OAT: variants seen among roughly 807,000 people sequenced by gnomAD.
The protein encoded by OAT is ornithine aminotransferase.
A neutral mutation model predicts 48.4 loss-of-function variants in OAT; 35 were observed. The ratio of observed to expected loss-of-function variants is 0.72; its 90% CI spans 0.55 to 0.96. OAT has a LOEUF of 0.96. Among genes scored for constraint, OAT ranks in the 40% least tolerant of loss-of-function variants. The pLI is 0.00. For synonymous variants in OAT, 182 were observed against 198.4 expected (o/e 0.92, Z 0.70); for missense variants, 438 against 537.9 (o/e 0.81, Z 1.84).
intron 9 of OAT, among the ~76,000 whole-genome samples, chr10:124,398,704 C>T (rs1951309010): frequency 6.7e-6 from 1 of 148,352 alleles, no homozygotes; most frequent in African/African-American, 2.5e-5. Flanking sequence ...ATTAATCACA[C>T]AAGGAACTAA....
chr10:124,403,840 T>G lies in OAT; in HGVS notation c.729A>C (p.Pro243=). The G allele has an allele frequency of 6.2e-7, 1 of 1,614,176 alleles. No homozygotes were observed. Among genetic ancestry groups the G allele is most frequent in the Non-Finnish European group, 8.5e-7 (1 of 1,180,006 alleles). Residue 243 remains proline (P), a synonymous_variant, in exon 6 of 10, where the codon CCA becomes CCC. Coordinates refer to ENST00000368845, the MANE Select transcript of OAT (RefSeq NM_000274.4). ...GCTCTCGCACTCCCATTAGGTAACC[T>G]GGATCCGGAACAACAACGCCTGCTT... The part of the protein sequence containing the change: ...QGEAGVVVPD[P]GYLMGVRELC...
intron 8 of OAT, 141 bp from the exon 9 acceptor site, chr10:124,401,125 C>A: frequency 1.6e-6 from 1 of 629,304 alleles, no homozygotes; most frequent in Non-Finnish European, 2.8e-6. Context: ...TTTTTCAAAG[C>A]CTGTATTAGT....
intron 9 of OAT, among the ~76,000 whole-genome samples, chr10:124,399,815 C>T (rs1589695332): frequency 6.6e-6 from 1 of 152,084 alleles, no homozygotes; most frequent in Non-Finnish European, 1.5e-5. Context: ...ATTATTGACC[C>T]CATAACTGTC....
At chr10:124,405,294 A>C in intron 5 of OAT, 142 bp downstream of exon 5, 1 of 1,223,918 alleles carries the variant, frequency 8.2e-7, no homozygotes, top group Non-Finnish European at 1.2e-6. Flanking sequence ...ATTGATCGCT[A>C]CTGAGAACAA....
At chr10:124,416,527 G>T (rs909759668) in intron 1 of OAT, among the ~76,000 whole-genome samples, 28 of 152,104 alleles carry the variant, frequency 1.8e-4, no homozygotes, top group African/African-American at 6.8e-4. Context: ...CCATACTCAG[G>T]TCCTGGAAAT....
In OAT at chr10:124,403,838, C is replaced by A. The variant is rs1228985630; in HGVS notation, c.731G>T (p.Gly244Val). The change falls in exon 6 of 10, where the codon GGT (glycine) becomes GTT (valine). Residue 244 changes from glycine (G) to valine (V), a missense_variant. Physicochemically the swap from Gly to Val is moderately radical, Grantham distance 109 (BLOSUM62 -3). Coordinates refer to ENST00000368845, the MANE Select transcript of OAT (RefSeq NM_000274.4). Reference protein sequence around the residue: ...GEAGVVVPDPGYLMGVRELCT... With the variant: ...GEAGVVVPDPVYLMGVRELCT... ...GAGCTCTCGCACTCCCATTAGGTAA[C>A]CTGGATCCGGAACAACAACGCCTGC... The A allele has an allele frequency of 6.2e-7, 1 of 1,614,158 alleles. No individual in the cohort carries two copies. The highest frequency in any genetic ancestry group is 2.2e-5 in the East Asian group (1 of 44,888).
At chr10:124,402,335 T>C (rs1006611717) in intron 7 of OAT, among the ~76,000 whole-genome samples, 1 of 152,220 alleles carries the variant, frequency 6.6e-6, no homozygotes, top group African/African-American at 2.4e-5. Context: ...CAAAACAATA[T>C]AATTTTGCAA....
chr10:124,415,074 T>TAAAAAAAAAAA, intron 1 of OAT: 2 of 16,858 alleles, frequency 1.2e-4, no homozygotes, highest in East Asian at 1.9e-3. Flanking sequence ...TACAAAGCGC[T>TAAAAAAAAAAA]AAAAAAAAAA....
At chr10:124,400,466 A>T (rs1951372798) in intron 9 of OAT, among the ~76,000 whole-genome samples, 1 of 149,352 alleles carries the variant, frequency 6.7e-6, no homozygotes, top group Non-Finnish European at 1.5e-5. Context: ...AAAAAAAAAA[A>T]AGTGTGGCCG....
rs774831749 is a variant in OAT at position 124,397,976 on chromosome 10, A to G, written c.1286T>C (p.Ile429Thr). Residue 429 changes from isoleucine (I) to threonine (T), a missense_variant, in exon 10 of 10, where the codon ATT becomes ACT. Ile to Thr is a moderately conservative substitution (Grantham distance 89, BLOSUM62 -1). Coordinates refer to ENST00000368845, the MANE Select transcript of OAT (RefSeq NM_000274.4). Reference sequence around the variant, plus strand: ...CAAGATGGTCTTGTTAATAATTTCAATGGACTCTCGAAGCTCATCCTCCTT... The same window carrying G: ...CAAGATGGTCTTGTTAATAATTTCAGTGGACTCTCGAAGCTCATCCTCCTT... ...VIKEDELRESIEIINKTILSF is the reference protein window; with the variant it reads ...VIKEDELRESTEIINKTILSF 9 of 1,613,798 alleles carry G rather than the reference A, an allele frequency of 5.6e-6. No homozygotes were observed. Among genetic ancestry groups the G allele is most frequent in the Admixed American group, 5.0e-5 (3 of 59,996 alleles).
chr10:124,405,084 T>C (rs1006198682), intron 5 of OAT, among the ~76,000 whole-genome samples: 1 of 152,176 alleles, frequency 6.6e-6, no homozygotes, highest in African/African-American at 2.4e-5. Context: ...CTAAAGTAAA[T>C]AGCCTTTTAA....
intron 4 of OAT, chr10:124,406,910 C>T (rs1013817707): frequency 1.0e-6 from 1 of 966,644 alleles, no homozygotes. Context: ...TGACATAAAC[C>T]AGTAAAGCAA....
chr10:124,408,361 T>A (rs1182120012), intron 4 of OAT, among the ~76,000 whole-genome samples, 181 bp downstream of exon 4: 8 of 126,720 alleles, frequency 6.3e-5, no homozygotes, highest in Non-Finnish European at 9.9e-5. Context: ...TTTTTTTTTT[T>A]AAATAGAGAC....
At chr10:124,416,666 A>G (rs1951927420) in intron 1 of OAT, among the ~76,000 whole-genome samples, 1 of 152,202 alleles carries the variant, frequency 6.6e-6, no homozygotes, top group African/African-American at 2.4e-5. Flanking sequence ...ACATACCTAC[A>G]GTAGAATTTC....
At chr10:124,408,460 A>T in intron 4 of OAT, 82 bp downstream of exon 4, 1 of 1,234,240 alleles carries the variant, frequency 8.1e-7, no homozygotes, top group Non-Finnish European at 1.2e-6. Context: ...TGCTAGGATT[A>T]CAGGCATGAG....
chr10:124,404,311 AG>A (rs1951509065), intron 5 of OAT, among the ~76,000 whole-genome samples: 1 of 149,824 alleles, frequency 6.7e-6, no homozygotes, highest in Admixed American at 6.7e-5. Flanking sequence ...TCTGTCACCC[AG>A]GCTGGAGTGC....
chr10:124,408,339 ATATATT>A (rs1402794881), intron 4 of OAT, among the ~76,000 whole-genome samples, 197 bp downstream of exon 4: 1,969 of 101,698 alleles, frequency 0.019, 40 homozygotes, highest in African/African-American at 0.062. Context: ...ATATATATAT[ATATATT>A]TTTTTTTTTT....
chr10:124,416,510 C>G (rs1218714005), intron 1 of OAT, among the ~76,000 whole-genome samples: 1 of 152,182 alleles, frequency 6.6e-6, no homozygotes, highest in African/African-American at 2.4e-5. Flanking sequence ...ATGCATCTAC[C>G]TGACGCCCAT....
In OAT at chr10:124,405,419, T is replaced by C. The variant is rs1228616409; in HGVS notation, c.648+17A>G. 1.2e-6 allele frequency: 2 copies of C among 1,612,864 alleles called. No individual in the cohort carries two copies. The highest frequency in any genetic ancestry group is 1.7e-6 in the Non-Finnish European group (2 of 1,178,924). ...TCTATTCCCAATGAGCTGAGCACTA[T>C]GATGCTAGTGAAATACCTCCAGTGC... On this transcript the variant is annotated intron_variant, in intron 5 of 9. Coordinates refer to ENST00000368845, the MANE Select transcript of OAT (RefSeq NM_000274.4).
Sources: allele counts gnomAD v4.1 joint callset (sites outside exome capture counted in the v4.1 genomes callset), GRCh38; gene constraint gnomAD v4.1.1; transcripts MANE v1.5; gene names NCBI Gene and HGNC (gene_info 2026-07-23, HGNC 2026-07-21).